AK7: variants seen among roughly 807,000 people sequenced by gnomAD.
AK7 encodes ATP-AMP transphosphorylase 7.
AK7 carries 78 observed loss-of-function variants against 96.6 expected under a neutral mutation model. That is an observed-to-expected ratio of 0.81 (90% CI 0.67 to 0.97). AK7 has a LOEUF of 0.97. Among genes scored for constraint, AK7 ranks in the 50% least tolerant of loss-of-function variants. AK7 has a pLI of 0.00. For synonymous variants in AK7, 302 were observed against 317.2 expected (o/e 0.95, Z 0.51); for missense variants, 855 against 887.9 (o/e 0.96, Z 0.47).
intron 4 of AK7, among the ~76,000 whole-genome samples, chr14:96,413,549 C>G (rs1891162783): frequency 6.6e-6 from 1 of 152,202 alleles, no homozygotes. Context: ...CGTTGCCTGC[C>G]CACTCAACAC....
intron 12 of AK7, among the ~76,000 whole-genome samples, chr14:96,458,905 G>A (rs1174658488): frequency 2.1e-5 from 2 of 95,384 alleles, no homozygotes; most frequent in Non-Finnish European, 3.7e-5. Context: ...GTAAGATCCT[G>A]TCTCAACAAA....
At chr14:96,438,342 C>T (rs1566784670) in intron 6 of AK7, among the ~76,000 whole-genome samples, 1 of 152,032 alleles carries the variant, frequency 6.6e-6, no homozygotes, top group Non-Finnish European at 1.5e-5. Context: ...CAGAGAAAGG[C>T]AGAGAGTGCT....
intron 10 of AK7, among the ~76,000 whole-genome samples, chr14:96,454,917 C>T (rs1051010912): frequency 7.9e-5 from 12 of 152,086 alleles, no homozygotes; most frequent in Admixed American, 7.2e-4. Flanking sequence ...GTAATCCTAC[C>T]ACTTTGGGAG....
intron 12 of AK7, 81 bp downstream of exon 12, chr14:96,458,293 A>T (rs1021965176): frequency 7.1e-5 from 80 of 1,133,492 alleles, no homozygotes; most frequent in Middle Eastern, 4.9e-4. Context: ...AAGACTGTTT[A>T]AAAAAAAAAG....
chr14:96,457,014 G>A, intron 11 of AK7: 1 of 171,478 alleles, frequency 5.8e-6, no homozygotes. Flanking sequence ...GGAAAGAAAG[G>A]AGCTTCCTTC....
chr14:96,406,650 T>G (rs1406531097), intron 3 of AK7, among the ~76,000 whole-genome samples: 1 of 152,034 alleles, frequency 6.6e-6, no homozygotes, highest in African/African-American at 2.4e-5. Context: ...CTACTGCACA[T>G]TCTTAGATTT....
At chr14:96,485,039 T>C (rs921980374) in intron 16 of AK7, among the ~76,000 whole-genome samples, 4 of 152,248 alleles carry the variant, frequency 2.6e-5, no homozygotes, top group African/African-American at 9.6e-5. Flanking sequence ...AAACTAGACA[T>C]GGTTTGAGTT....
chr14:96,427,537 T>C (rs1191763071), intron 5 of AK7, among the ~76,000 whole-genome samples: 1 of 152,214 alleles, frequency 6.6e-6, no homozygotes, highest in East Asian at 1.9e-4. Context: ...TCTTCCAACA[T>C]TGGAGATTAC....
chr14:96,405,466 G>A (rs1438490581), intron 3 of AK7, among the ~76,000 whole-genome samples: 1 of 152,090 alleles, frequency 6.6e-6, no homozygotes, highest in African/African-American at 2.4e-5. Flanking sequence ...TTACAGGCGT[G>A]AGCCACAATG....
chr14:96,408,981 C>A (rs375450849), intron 4 of AK7, 40 bp downstream of exon 4: 1 of 1,592,630 alleles, frequency 6.3e-7, no homozygotes, highest in Non-Finnish European at 8.6e-7. Context: ...AACATTTCAG[C>A]CATAACACCT....
chr14:96,487,210 C>T (rs1006120739), intron 17 of AK7, among the ~76,000 whole-genome samples, 154 bp downstream of exon 17: 9 of 143,292 alleles, frequency 6.3e-5, no homozygotes, highest in African/African-American at 2.3e-4. Flanking sequence ...CCCGTCTCTA[C>T]TAAAAATACA....
chr14:96,420,747 A>C (rs1487662796), intron 4 of AK7, 75 bp from the exon 5 acceptor site: 7 of 1,044,732 alleles, frequency 6.7e-6, no homozygotes, highest in Non-Finnish European at 1.0e-5. Context: ...AGCTTAAAGG[A>C]ACATATCTTT....
chr14:96,451,724 A>G (rs766317292), intron 10 of AK7, among the ~76,000 whole-genome samples, 154 bp downstream of exon 10: 2 of 152,210 alleles, frequency 1.3e-5, no homozygotes, highest in African/African-American at 2.4e-5. Flanking sequence ...AGGTCTAACA[A>G]ATTTACATGT....
rs540051562 is a variant in AK7 at position 96,469,605 on chromosome 14, C to T, written c.1358-1873C>T. ...AATCCCTTGACACGTTTTTATTTGG[C>T]TTCATTTCTTGGCACCCCTGTGAAC... On this transcript the variant is annotated intron_variant, in intron 12 of 17. Transcript: ENST00000267584. 1.8e-4 allele frequency among the ~76,000 whole-genome samples: 28 copies of T among 152,268 alleles called. 1 individual carries two copies. In the South Asian group the frequency reaches 5.8e-3, roughly 32 times the overall value.
At chr14:96,478,275 T>G (rs1895296690) in intron 14 of AK7, among the ~76,000 whole-genome samples, 190 bp from the exon 15 acceptor site, 1 of 152,034 alleles carries the variant, frequency 6.6e-6, no homozygotes. Context: ...TTGGGCCTCA[T>G]AGGGTGGTCT....
chr14:96,422,373 G>C (rs6420932), intron 5 of AK7, among the ~76,000 whole-genome samples: 128,410 of 152,212 alleles, frequency 0.84, 54,362 homozygotes, highest in East Asian at 0.96. Flanking sequence ...TCCATAGATA[G>C]GAGACATGAA....
chr14:96,475,432 GAC>G (rs1895121187), intron 14 of AK7, among the ~76,000 whole-genome samples: 1 of 152,208 alleles, frequency 6.6e-6, no homozygotes, highest in African/African-American at 2.4e-5. Flanking sequence ...GGAAAGCCAA[GAC>G]AGGCCACAGT....
intron 16 of AK7, among the ~76,000 whole-genome samples, chr14:96,484,218 G>A (rs1249251795): frequency 1.3e-5 from 2 of 152,072 alleles, no homozygotes; most frequent in South Asian, 4.1e-4. Flanking sequence ...CTCCAGCCTG[G>A]ATGACAGAGT....
chr14:96,449,992 A>T (rs1392969376), intron 9 of AK7, 113 bp downstream of exon 9: 1 of 818,688 alleles, frequency 1.2e-6, no homozygotes, highest in Non-Finnish European at 1.9e-6. Context: ...TCTGTGAGGG[A>T]TTTGGAGTCA....
Sources: allele counts gnomAD v4.1 joint callset (sites outside exome capture counted in the v4.1 genomes callset), GRCh38; gene constraint gnomAD v4.1.1; transcripts MANE v1.5; gene names NCBI Gene and HGNC (gene_info 2026-07-23, HGNC 2026-07-21).